Variants in GRHL2 observed in about 807,000 individuals in gnomAD.
GRHL2 encodes grainyhead-like protein 2 homolog.
Under a neutral mutation model 83.8 loss-of-function variants are expected in GRHL2, and 21 were observed. The ratio of observed to expected loss-of-function variants is 0.25; its 90% CI spans 0.18 to 0.36. GRHL2 has a LOEUF of 0.36. Among genes scored for constraint, GRHL2 ranks in the 10% least tolerant of loss-of-function variants. The probability of loss-of-function intolerance (pLI) is 1.00; values close to 1 mark genes in which losing one functional copy is unlikely to be tolerated. For synonymous variants in GRHL2, 280 were observed against 278.9 expected (o/e 1.00, Z -0.04); for missense variants, 623 against 781.8 (o/e 0.80, Z 2.42).
In GRHL2 at chr8:101,577,398, C is replaced by T; in HGVS notation, c.892-10C>T. On this transcript the variant is annotated splice_polypyrimidine_tract_variant and intron_variant, in intron 6 of 15. Coordinates refer to ENST00000646743, the MANE Select transcript of GRHL2 (RefSeq NM_024915.4). ...ACAAAAAGTAAGCTCCACGATTCTC[C>T]CCTCTGCAGAGTGTGGTGATGGTGG... is the stretch of plus-strand genomic sequence containing the variant. The T allele has an allele frequency of 2.5e-6, 4 of 1,576,160 alleles. No homozygotes were observed. Among genetic ancestry groups the T allele is most frequent in the Non-Finnish European group, 3.5e-6 (4 of 1,145,834 alleles).
At chr8:101,508,619 A>G (rs1810387807) in intron 1 of GRHL2, among the ~76,000 whole-genome samples, 1 of 152,138 alleles carries the variant, frequency 6.6e-6, no homozygotes, top group African/African-American at 2.4e-5. Context: ...TCCTTTGCCA[A>G]TGAAAGCAGT....
At chr8:101,596,990 T>C (rs1177775773) in intron 7 of GRHL2, among the ~76,000 whole-genome samples, 1 of 152,224 alleles carries the variant, frequency 6.6e-6, no homozygotes, top group African/African-American at 2.4e-5. Flanking sequence ...TTGGCTATCC[T>C]GTGTGAGAAG....
rs1399232166 is a variant in GRHL2, at chr8:101,542,827, AG to A, written c.21-409del. 5 of 456,904 alleles carry A rather than the reference AG, an allele frequency of 1.1e-5. No homozygotes were observed. The East Asian group carries it at 3.5e-4, about 32-fold the overall frequency. The allele number at this position is 456,904 out of a possible 1,614,324, so 28.3% of individuals were successfully genotyped here. A position where few individuals can be genotyped will look rare whatever the true frequency, so the allele number is the denominator to read the frequency against. On this transcript the variant is annotated intron_variant, in intron 1 of 15. Transcript: ENST00000646743. Reference sequence around the variant, plus strand: ...GAGAGTAAGATGGAAAGAGAGCAAGAGGGGGTGAAGCTATTTCAGTCACAAT... The same window carrying A: ...GAGAGTAAGATGGAAAGAGAGCAAGAGGGGTGAAGCTATTTCAGTCACAAT...
intron 1 of GRHL2, among the ~76,000 whole-genome samples, chr8:101,498,389 A>G (rs61453462): frequency 0.17 from 26,104 of 152,096 alleles, 3,610 homozygotes; most frequent in African/African-American, 0.38. Context: ...CAAAGTGCTG[A>G]GATTGCAGGC....
rs540141519 is a variant in GRHL2, at chr8:101,663,825, A to ACTT, written c.1699-628_1699-626dup. On this transcript the variant is annotated intron_variant, in intron 14 of 15. Transcript: ENST00000646743. The stretch of plus-strand genomic sequence containing the variant: ...TCTTGATTTGCAGGAGTTCTTTTTA[A>ACTT]CTTAAGGAAGTTAGTTCCATGTCTG... 7.2e-3 allele frequency among the ~76,000 whole-genome samples: 1,088 copies of ACTT among 151,204 alleles called. 8 individuals are homozygous for ACTT. The highest frequency in any genetic ancestry group is 0.01 in the Non-Finnish European group (686 of 67,880).
At chr8:101,612,651 C>T (rs1238896641) in intron 8 of GRHL2, among the ~76,000 whole-genome samples, 6 of 150,972 alleles carry the variant, frequency 4.0e-5, no homozygotes, top group Non-Finnish European at 7.4e-5. Context: ...GTTAACTCCA[C>T]TATATTAAAT....
intron 1 of GRHL2, among the ~76,000 whole-genome samples, chr8:101,538,376 A>G (rs1208739060): frequency 6.6e-6 from 1 of 151,956 alleles, no homozygotes; most frequent in African/African-American, 2.4e-5. Flanking sequence ...CTGATGACTC[A>G]TCTCTCAGCC....
At chr8:101,495,140 G>T (rs561353148) in intron 1 of GRHL2, among the ~76,000 whole-genome samples, 2 of 152,304 alleles carry the variant, frequency 1.3e-5, no homozygotes, top group Admixed American at 6.5e-5. Context: ...AAGTAAACGG[G>T]CCCCTGGGTA....
rs1320051790 is a variant in GRHL2, at chr8:101,641,255, C to T, written c.1518-2876C>T. On this transcript the variant is annotated intron_variant, in intron 12 of 15. Transcript: ENST00000646743. Reference sequence around the variant, plus strand: ...TGAAAATAAATGGATTCAGACCCTACTTTATAATGTGAAAGACTTTGTGCA... The same window carrying T: ...TGAAAATAAATGGATTCAGACCCTATTTTATAATGTGAAAGACTTTGTGCA... Among the ~76,000 whole-genome samples, 16 of 152,136 alleles carry T rather than the reference C, an allele frequency of 1.1e-4. No homozygotes were observed. The East Asian group carries it at 3.1e-3, about 29-fold the overall frequency.
intron 8 of GRHL2, among the ~76,000 whole-genome samples, chr8:101,607,823 GT>G (rs925467159): frequency 6.6e-6 from 1 of 152,134 alleles, no homozygotes. Context: ...CTTTGTTCCA[GT>G]TTTATAAGGT....
chr8:101,527,568 T>C (rs1306182664), intron 1 of GRHL2, among the ~76,000 whole-genome samples: 1 of 152,200 alleles, frequency 6.6e-6, no homozygotes, highest in African/African-American at 2.4e-5. Flanking sequence ...TGGTATTATA[T>C]TTAAGAATTC....
chr8:101,563,147 G>A (rs1318219450), intron 4 of GRHL2, among the ~76,000 whole-genome samples: 1 of 152,154 alleles, frequency 6.6e-6, no homozygotes. Context: ...GAGGGATAGA[G>A]AGCATAAGTA....
At chr8:101,636,272 A>G (rs930118803) in intron 11 of GRHL2, among the ~76,000 whole-genome samples, 8 of 152,096 alleles carry the variant, frequency 5.3e-5, no homozygotes, top group Non-Finnish European at 1.5e-5. Flanking sequence ...GTCTTTGGAG[A>G]TCTTCCTTCT....
At position 101,541,947 on chromosome 8, in the gene GRHL2, T is replaced by C. The variant is rs565896165; in HGVS notation, c.21-1294T>C. 3.3e-5 allele frequency among the ~76,000 whole-genome samples: 5 copies of C among 152,340 alleles called. No individual in the cohort carries two copies. The South Asian group carries it at 8.3e-4, about 25-fold the overall frequency. ...CACTTTCCATGATGGTCTTTGTAGCTTGTAGTTTTTATATCACCTAAATAT... is the reference window on the plus strand; with the variant it reads ...CACTTTCCATGATGGTCTTTGTAGCCTGTAGTTTTTATATCACCTAAATAT... On this transcript the variant is annotated intron_variant, in intron 1 of 15. Transcript: ENST00000646743.
At chr8:101,677,625 GC>G in the GRHL2 span, among the ~76,000 whole-genome samples, 1 of 151,996 alleles carries the variant, frequency 6.6e-6, no homozygotes, top group Non-Finnish European at 1.5e-5. Context: ...GAGTTAGAAG[GC>G]CCCACTACCC....
chr8:101,590,194 T>G (rs752023384), intron 7 of GRHL2, among the ~76,000 whole-genome samples: 3 of 152,138 alleles, frequency 2.0e-5, no homozygotes, highest in Non-Finnish European at 4.4e-5. Context: ...TTAACACACT[T>G]AAGGAAACCC....
At chr8:101,657,175 T>C (rs1813810403) in intron 14 of GRHL2, among the ~76,000 whole-genome samples, 1 of 152,218 alleles carries the variant, frequency 6.6e-6, no homozygotes, top group Non-Finnish European at 1.5e-5. Context: ...CACTGCTTTT[T>C]TGATGTATAT....
At chr8:101,583,647 A>G (rs956055148) in intron 7 of GRHL2, among the ~76,000 whole-genome samples, 1 of 152,190 alleles carries the variant, frequency 6.6e-6, no homozygotes, top group African/African-American at 2.4e-5. Flanking sequence ...ACAGTGTGTG[A>G]GCCATTTAAA....
At chr8:101,618,444 C>T (rs1379071919) in intron 8 of GRHL2, among the ~76,000 whole-genome samples, 1 of 152,116 alleles carries the variant, frequency 6.6e-6, no homozygotes, top group Admixed American at 6.5e-5. Context: ...TATTTTCTCT[C>T]CTGTTTCAGA....
Sources: allele counts gnomAD v4.1 joint callset (sites outside exome capture counted in the v4.1 genomes callset), GRCh38; gene constraint gnomAD v4.1.1; transcripts MANE v1.5; gene names NCBI Gene and HGNC (gene_info 2026-07-23, HGNC 2026-07-21).